Variants in ZFAT observed in about 807,000 individuals in gnomAD.
ZFAT encodes the protein zinc finger and AT-hook domain containing, also known as zinc finger protein ZFAT.
In ZFAT, 64 loss-of-function variants were observed where a neutral mutation model predicts 117.7. That is an observed-to-expected ratio of 0.54 (90% CI 0.44 to 0.67). The LOEUF is 0.67. Among genes scored for constraint, ZFAT ranks in the 30% least tolerant of loss-of-function variants. ZFAT has a pLI of 0.00. For missense variants in ZFAT, 1,433 were observed against 1,584.5 expected (o/e 0.90, Z 1.62); for synonymous variants, 679 against 615.0 (o/e 1.10, Z -1.54).
chr8:134,716,480 C>G (rs1026311225), upstream of ZFAT, among the ~76,000 whole-genome samples: 3 of 152,190 alleles, frequency 2.0e-5, no homozygotes, highest in East Asian at 1.9e-4. Context: ...TGTGTGTACT[C>G]TCAGTACCCA....
chr8:134,638,864 A>G (rs113505901), intron 2 of ZFAT, among the ~76,000 whole-genome samples: 4,170 of 152,240 alleles, frequency 0.027, 225 homozygotes, highest in African/African-American at 0.095. Context: ...GAGAGCCGCC[A>G]GCAGCCTGGC....
Position 134,600,634 on chromosome 8 carries a change from C to A in ZFAT, c.2277G>T (p.Met759Ile). Residue 759 changes from methionine (M) to isoleucine (I), a missense_variant, in exon 7 of 16, where the codon ATG (methionine) becomes ATT (isoleucine). Met to Ile is a conservative substitution (Grantham distance 10). Transcript: ENST00000377838. The stretch of plus-strand genomic sequence containing the variant: ...GTTCCCGGGTGTGGGTGCGGACATG[C>A]ATATCAAAATGCACTTGGTACCAAA... ...KLFWYQVHFDMHVRTHTREHL... is the reference protein window; with the variant it reads ...KLFWYQVHFDIHVRTHTREHL... 7 of 1,606,302 alleles carry A rather than the reference C, an allele frequency of 4.4e-6. No homozygotes were observed. Among genetic ancestry groups the A allele is most frequent in the Non-Finnish European group, 6.0e-6 (7 of 1,174,256 alleles).
At chr8:134,675,413 T>A (rs546480977) in intron 1 of ZFAT, among the ~76,000 whole-genome samples, 1 of 151,152 alleles carries the variant, frequency 6.6e-6, no homozygotes, top group African/African-American at 2.4e-5. Flanking sequence ...GAAAAAAGGG[T>A]GAAAAGAAGC....
intron 3 of ZFAT, among the ~76,000 whole-genome samples, chr8:134,616,978 A>G (rs1425039498): frequency 1.3e-5 from 2 of 152,208 alleles, no homozygotes; most frequent in Non-Finnish European, 2.9e-5. Context: ...CACATATTAA[A>G]TATCTCATCA....
At chr8:134,774,323 A>G in the ZFAT span, among the ~76,000 whole-genome samples, 1 of 152,138 alleles carries the variant, frequency 6.6e-6, no homozygotes, top group African/African-American at 2.4e-5. Context: ...AAGAATTTCT[A>G]TTGTAGGTAA....
the ZFAT span, among the ~76,000 whole-genome samples, chr8:134,742,866 C>T: frequency 6.6e-6 from 1 of 152,184 alleles, no homozygotes; most frequent in South Asian, 2.1e-4. Flanking sequence ...GCTGAGCTCC[C>T]CTCCAGCAAG....
At chr8:134,810,784 G>C in the ZFAT span, among the ~76,000 whole-genome samples, 2 of 152,182 alleles carry the variant, frequency 1.3e-5, no homozygotes, top group African/African-American at 4.8e-5. Context: ...GCAATGTGCA[G>C]ATGTTAAAAG....
At chr8:134,530,240 C>G (rs7822348) in intron 12 of ZFAT, among the ~76,000 whole-genome samples, 35,371 of 152,030 alleles carry the variant, frequency 0.23, 4,382 homozygotes, top group South Asian at 0.38. Flanking sequence ...TCCTCTATAT[C>G]AAAACATGAA....
intron 11 of ZFAT, among the ~76,000 whole-genome samples, chr8:134,545,989 G>A (rs943644662): frequency 6.6e-6 from 1 of 152,178 alleles, no homozygotes; most frequent in South Asian, 2.1e-4. Context: ...TTTTTATGAC[G>A]ACTATAGAGA....
At chr8:134,611,019 A>G (rs1311230874) in intron 3 of ZFAT, among the ~76,000 whole-genome samples, 1 of 152,262 alleles carries the variant, frequency 6.6e-6, no homozygotes, top group Non-Finnish European at 1.5e-5. Context: ...GAAATAAATC[A>G]TTCACTTATT....
intron 11 of ZFAT, among the ~76,000 whole-genome samples, chr8:134,553,699 C>T (rs902841692): frequency 6.6e-6 from 1 of 152,182 alleles, no homozygotes; most frequent in African/African-American, 2.4e-5. Context: ...GGAGTCTCTA[C>T]AGAACTAACA....
chr8:134,479,425 C>T (rs1324108821), intron 15 of ZFAT, among the ~76,000 whole-genome samples: 1 of 152,228 alleles, frequency 6.6e-6, no homozygotes, highest in Non-Finnish European at 1.5e-5. Flanking sequence ...CTCCAAGCTG[C>T]CAGATTCCAG....
At chr8:134,750,978 C>T in the ZFAT span, among the ~76,000 whole-genome samples, 2 of 152,186 alleles carry the variant, frequency 1.3e-5, no homozygotes, top group Non-Finnish European at 1.5e-5. Flanking sequence ...TTTTCTGCAT[C>T]AACCAAGATG....
intron 1 of ZFAT, among the ~76,000 whole-genome samples, chr8:134,712,366 C>A (rs1470895462): frequency 6.6e-6 from 1 of 152,202 alleles, no homozygotes; most frequent in African/African-American, 2.4e-5. Flanking sequence ...AAATGACTTG[C>A]ACCGGGTGTC....
chr8:134,532,748 C>T, intron 12 of ZFAT, 86 bp downstream of exon 12: 1 of 1,525,762 alleles, frequency 6.6e-7, no homozygotes, highest in Admixed American at 1.9e-5. Context: ...CAGAACTGAA[C>T]TGCAGGATGT....
rs1817019386 is a variant in ZFAT, at chr8:134,478,270, C to T, written c.*212G>A. ...ATGGTAAGGGTCAGGGGGTGTGTGTCTATGCTGGGGTGAGGGTCCTGTGGT... is the reference window on the plus strand; with the variant it reads ...ATGGTAAGGGTCAGGGGGTGTGTGTTTATGCTGGGGTGAGGGTCCTGTGGT... On this transcript the variant is annotated 3_prime_UTR_variant, in exon 16 of 16. Transcript: ENST00000377838. The surrounding 1 kb of genome is among the most constrained non-coding windows in gnomAD (Gnocchi z 5.2). The T allele has an allele frequency of 1.6e-6, 1 of 633,826 alleles. No individual in the cohort carries two copies. The highest frequency in any genetic ancestry group is 1.8e-5 in the African/African-American group (1 of 54,472). 39.3% of individuals were successfully genotyped at this position (633,826 alleles called of 1,614,324 possible). A position where few individuals can be genotyped will look rare whatever the true frequency, so the allele number is the denominator to read the frequency against.
intron 10 of ZFAT, among the ~76,000 whole-genome samples, chr8:134,580,494 C>A (rs1385864089): frequency 6.6e-6 from 1 of 152,160 alleles, no homozygotes; most frequent in Non-Finnish European, 1.5e-5. Context: ...ACAAGGTCAT[C>A]CCCAGGGATA....
At chr8:134,696,293 C>G in intron 1 of ZFAT, 10 of 839,500 alleles carry the variant, frequency 1.2e-5, no homozygotes, top group Non-Finnish European at 1.4e-5. Context: ...GAGTCCCAGG[C>G]CACCCTGCAA....
the ZFAT span, among the ~76,000 whole-genome samples, chr8:134,798,538 T>G: frequency 6.6e-6 from 1 of 152,076 alleles, no homozygotes; most frequent in African/African-American, 2.4e-5. Context: ...TAACTGTAAG[T>G]AGAATGTTTC....
Sources: gnomAD v4.1 joint callset for allele counts (sites outside exome capture counted in the v4.1 genomes callset) on GRCh38, gnomAD v4.1.1 for gene constraint, Gnocchi (gnomAD v3.1) non-coding constraint, MANE v1.5 for transcripts, NCBI Gene and HGNC (gene_info 2026-07-23, HGNC 2026-07-21) for gene names.